PHKB: variants seen among roughly 807,000 people sequenced by gnomAD.
PHKB encodes phosphorylase b kinase regulatory subunit beta.
PHKB carries 122 observed loss-of-function variants against 152.1 expected under a neutral mutation model. The ratio of observed to expected loss-of-function variants is 0.80; its 90% CI spans 0.69 to 0.93. The LOEUF (loss-of-function observed/expected upper bound fraction) is 0.93, where lower values mean the gene tolerates loss of function less well. Among genes scored for constraint, PHKB ranks in the 40% least tolerant of loss-of-function variants. The pLI, the probability that PHKB is intolerant of heterozygous loss-of-function variation, is 0.00. For missense variants in PHKB, 1,304 were observed against 1,328.4 expected (o/e 0.98, Z 0.29); for synonymous variants, 436 against 464.9 (o/e 0.94, Z 0.80).
intron 14 of PHKB, among the ~76,000 whole-genome samples, chr16:47,637,361 C>G (rs1169519684): frequency 6.6e-6 from 1 of 152,158 alleles, no homozygotes; most frequent in African/African-American, 2.4e-5. Flanking sequence ...CACGCACCCC[C>G]CACCCAACAC....
intron 6 of PHKB, among the ~76,000 whole-genome samples, chr16:47,516,509 T>C (rs762674805): frequency 6.6e-6 from 1 of 152,180 alleles, no homozygotes; most frequent in Non-Finnish European, 1.5e-5. Flanking sequence ...AAAAAGCTTT[T>C]ATTGTTTGGT....
intron 9 of PHKB, among the ~76,000 whole-genome samples, chr16:47,588,042 T>C (rs1971964082): frequency 6.6e-6 from 1 of 152,138 alleles, no homozygotes; most frequent in South Asian, 2.1e-4. Context: ...CCAAGGTGAA[T>C]TATTTTTTTG....
At position 47,593,544 on chromosome 16, in the gene PHKB, TATG is replaced by T; in HGVS notation, c.1119_1121del (p.Met373del). The T allele has an allele frequency of 2.0e-6, 3 of 1,499,272 alleles. No individual in the cohort carries two copies. Among genetic ancestry groups the T allele is most frequent in the Non-Finnish European group, 2.8e-6 (3 of 1,075,782 alleles). 92.9% of individuals were successfully genotyped at this position (1,499,272 alleles called of 1,614,324 possible). On this transcript the variant is annotated inframe_deletion, in exon 11 of 31. Coordinates refer to ENST00000323584, the MANE Select transcript of PHKB (RefSeq NM_000293.3). ...GTGAATTTCCCATATTTTTCCTTTA[TATG>T]ATGATTGATGGTAAGTAAGCTTTTT...
At chr16:47,641,893 G>A (rs1416096648) in intron 16 of PHKB, among the ~76,000 whole-genome samples, 1 of 152,076 alleles carries the variant, frequency 6.6e-6, no homozygotes, top group Admixed American at 6.5e-5. Context: ...GTATATGTGT[G>A]TGTGCATGTG....
chr16:47,498,880 G>T (rs766088234), intron 2 of PHKB, among the ~76,000 whole-genome samples: 8 of 152,138 alleles, frequency 5.3e-5, no homozygotes, highest in Non-Finnish European at 8.8e-5. Flanking sequence ...TCCAGCCTGG[G>T]TTATAGAGTG....
chr16:47,663,805 A>G (rs1384314528), intron 24 of PHKB, 71 bp downstream of exon 24: 2 of 903,064 alleles, frequency 2.2e-6, no homozygotes, highest in African/African-American at 3.3e-5. Flanking sequence ...AAGAAAATGG[A>G]CCAATATTAA....
chr16:47,559,739 C>T (rs1013325046), intron 7 of PHKB, among the ~76,000 whole-genome samples: 1 of 152,156 alleles, frequency 6.6e-6, no homozygotes, highest in Non-Finnish European at 1.5e-5. Flanking sequence ...AGAAGTCATG[C>T]AGTGTAAACT....
At chr16:47,680,689 A>G (rs1018601610) in intron 26 of PHKB, among the ~76,000 whole-genome samples, 2 of 151,968 alleles carry the variant, frequency 1.3e-5, no homozygotes, top group African/African-American at 4.8e-5. Flanking sequence ...CTAGCGGTCT[A>G]TCAGTTTTGT....
chr16:47,505,118 A>G (rs1391441342), intron 4 of PHKB, among the ~76,000 whole-genome samples: 1 of 152,134 alleles, frequency 6.6e-6, no homozygotes, highest in African/African-American at 2.4e-5. Flanking sequence ...CCCACCCCAC[A>G]TGGTTTCATC....
At chr16:47,577,418 A>T (rs1971768246) in intron 7 of PHKB, among the ~76,000 whole-genome samples, 1 of 152,022 alleles carries the variant, frequency 6.6e-6, no homozygotes, top group Non-Finnish European at 1.5e-5. Context: ...CATGTATTGT[A>T]TTTACCCATA....
intron 1 of PHKB, among the ~76,000 whole-genome samples, chr16:47,493,999 T>C (rs1230733316): frequency 4.6e-5 from 7 of 152,186 alleles, no homozygotes; most frequent in African/African-American, 1.4e-4. Flanking sequence ...GTTAAGAATA[T>C]GTACAAATTG....
At chr16:47,523,200 C>T (rs1234464974) in intron 6 of PHKB, among the ~76,000 whole-genome samples, 1 of 152,104 alleles carries the variant, frequency 6.6e-6, no homozygotes, top group Non-Finnish European at 1.5e-5. Context: ...TGTTTCTTTG[C>T]ATGTCTCATC....
intron 6 of PHKB, among the ~76,000 whole-genome samples, chr16:47,519,109 T>C (rs1445340325): frequency 1.3e-5 from 2 of 152,334 alleles, no homozygotes; most frequent in South Asian, 4.1e-4. Flanking sequence ...ATAAAAATTG[T>C]GCACAAAACT....
intron 26 of PHKB, among the ~76,000 whole-genome samples, chr16:47,679,086 T>C (rs1597173549): frequency 6.6e-6 from 1 of 152,314 alleles, no homozygotes; most frequent in South Asian, 2.1e-4. Flanking sequence ...GTTGTAGATA[T>C]GTGGCATTAT....
chr16:47,627,573 T>G (rs1028879262), intron 14 of PHKB, among the ~76,000 whole-genome samples: 1 of 152,224 alleles, frequency 6.6e-6, no homozygotes, highest in African/African-American at 2.4e-5. Context: ...GGGAATACTT[T>G]TAAAAATTCA....
At chr16:47,612,094 G>A (rs573526175) in intron 14 of PHKB, among the ~76,000 whole-genome samples, 12 of 152,182 alleles carry the variant, frequency 7.9e-5, no homozygotes, top group Non-Finnish European at 1.6e-4. Context: ...GTGTTTGTAG[G>A]TACAGTGCAA....
intron 14 of PHKB, among the ~76,000 whole-genome samples, chr16:47,615,109 C>T (rs1168215091): frequency 6.6e-6 from 1 of 152,182 alleles, no homozygotes; most frequent in East Asian, 1.9e-4. Flanking sequence ...AAATTTGTTT[C>T]CTCTACAGAT....
At chr16:47,638,349 T>C (rs963850148) in intron 14 of PHKB, among the ~76,000 whole-genome samples, 1 of 152,194 alleles carries the variant, frequency 6.6e-6, no homozygotes, top group African/African-American at 2.4e-5. Flanking sequence ...GGTGTGAAGA[T>C]AGCAATAAGC....
intron 30 of PHKB, 143 bp downstream of exon 30, chr16:47,698,731 C>T (rs1974198562): frequency 2.9e-6 from 2 of 700,970 alleles, no homozygotes; most frequent in Admixed American, 6.2e-5. Context: ...GGCAGTCTGC[C>T]TTTTTCGAGG....
Sources: gnomAD v4.1 joint callset for allele counts (sites outside exome capture counted in the v4.1 genomes callset) on GRCh38, gnomAD v4.1.1 for gene constraint, MANE v1.5 for transcripts, NCBI Gene and HGNC (gene_info 2026-07-23, HGNC 2026-07-21) for gene names.